Variants in DSCAML1 observed in about 807,000 individuals in gnomAD.
DSCAML1 encodes DS cell adhesion molecule like 1, also known as cell adhesion molecule DSCAML1.
A neutral mutation model predicts 200.5 loss-of-function variants in DSCAML1; 38 were observed. The observed-to-expected ratio is 0.19, with a 90% CI of 0.15 to 0.25. DSCAML1 has a LOEUF of 0.25. DSCAML1 is among the 10% of genes least tolerant of loss of function. The pLI, the probability that DSCAML1 is intolerant of heterozygous loss-of-function variation, is 1.00. For synonymous variants in DSCAML1, 1,215 were observed against 1,165.0 expected (o/e 1.04, Z -0.87); for missense variants, 2,223 against 2,858.8 (o/e 0.78, Z 5.07).
At chr11:117,586,265 G>A in intron 3 of DSCAML1, among the ~76,000 whole-genome samples, 1 of 140,704 alleles carries the variant, frequency 7.1e-6, no homozygotes, top group Non-Finnish European at 1.6e-5. Context: ...CTCCAGCCGT[G>A]AGCAATAGAA....
rs377198741 is a variant in DSCAML1 at position 117,430,707 on chromosome 11, G to A, written c.5686+15C>T. On this transcript the variant is annotated intron_variant, in intron 32 of 32. Transcript: ENST00000651296. ...GGCGGGGGGGCACTGCCTGGGAGGT[G>A]GTCTGAGCACTCACTCTTGTTGGCC... 1,519 of 1,601,318 alleles carry A rather than the reference G, an allele frequency of 9.5e-4. 1 individual carries two copies. The highest frequency in any genetic ancestry group is 1.2e-3 in the Non-Finnish European group (1,426 of 1,173,574).
intron 3 of DSCAML1, among the ~76,000 whole-genome samples, chr11:117,548,338 C>T (rs1004696958): frequency 6.6e-6 from 1 of 152,218 alleles, no homozygotes; most frequent in African/African-American, 2.4e-5. Flanking sequence ...CTGGGGCTGT[C>T]CAAATCCAGA....
intron 3 of DSCAML1, among the ~76,000 whole-genome samples, chr11:117,562,075 G>A (rs2050673674): frequency 6.6e-6 from 1 of 152,202 alleles, no homozygotes. Flanking sequence ...AGTGTTGAGA[G>A]GGAATAGGGT....
rs1192907906 is a variant in DSCAML1 at position 117,503,475 on chromosome 11, AG to A, written c.2359+369del. 6.6e-6 allele frequency among the ~76,000 whole-genome samples: 1 copy of A among 152,228 alleles called. No homozygotes were observed. The highest frequency in any genetic ancestry group is 2.4e-5 in the African/African-American group (1 of 41,458). On this transcript the variant is annotated intron_variant, in intron 11 of 32. Transcript: ENST00000651296. The surrounding 1 kb of genome is among the most constrained non-coding windows in gnomAD (Gnocchi z 5.2). ...CTATTTTCCTTTCTAAGCCACAAGC[AG>A]GTTGTACACAAGCAAGTGTATATTA...
At chr11:117,698,367 TC>T (rs1415335023) in intron 3 of DSCAML1, among the ~76,000 whole-genome samples, 14 of 152,166 alleles carry the variant, frequency 9.2e-5, no homozygotes, top group Non-Finnish European at 4.4e-5. Context: ...CTTTAGCAGC[TC>T]CACTAAAGGC....
chr11:117,663,004 G>C (rs1299071502), intron 3 of DSCAML1, among the ~76,000 whole-genome samples: 1 of 148,324 alleles, frequency 6.7e-6, no homozygotes, highest in Non-Finnish European at 1.5e-5. Flanking sequence ...AGTTGTCATT[G>C]CCTTTGCCTT....
In DSCAML1 at chr11:117,780,227, G is replaced by A. The variant is rs1565280569; in HGVS notation, c.364+266C>T. Among the ~76,000 whole-genome samples the A allele has an allele frequency of 1.1e-5, 1 of 93,316 alleles. No individual in the cohort carries two copies. Among genetic ancestry groups the A allele is most frequent in the East Asian group, 2.6e-4 (1 of 3,788 alleles). 61.2% of individuals were successfully genotyped at this position (93,316 alleles called of 152,430 possible). ...AAAGAAAGAGAGAGAGAGAAAGAAA[G>A]AAAGGAAAGAAAGAAAGAAAGAAAG... is the stretch of plus-strand genomic sequence containing the variant. On this transcript the variant is annotated intron_variant, in intron 2 of 32. Coordinates refer to ENST00000651296, the MANE Select transcript of DSCAML1 (RefSeq NM_020693.4). The surrounding 1 kb of genome is among the most constrained non-coding windows in gnomAD (Gnocchi z 4.8).
intron 3 of DSCAML1, among the ~76,000 whole-genome samples, chr11:117,718,181 C>T (rs904909579): frequency 3.9e-5 from 6 of 152,238 alleles, no homozygotes; most frequent in South Asian, 2.1e-4. Flanking sequence ...GGGGCATTGC[C>T]GCGCCGGCTC....
intron 3 of DSCAML1, among the ~76,000 whole-genome samples, chr11:117,603,418 G>T (rs1022363545): frequency 2.0e-5 from 3 of 152,252 alleles, no homozygotes; most frequent in East Asian, 3.9e-4. Context: ...TCTTTGCTCC[G>T]TCATCTGCTC....
chr11:117,447,161 G>A (rs2048196725), intron 20 of DSCAML1, among the ~76,000 whole-genome samples: 1 of 152,170 alleles, frequency 6.6e-6, no homozygotes, highest in Non-Finnish European at 1.5e-5. Context: ...GGTGATGTGT[G>A]CCTGTAATCT....
intron 1 of DSCAML1, among the ~76,000 whole-genome samples, chr11:117,805,013 C>T (rs991040764): frequency 6.6e-6 from 1 of 152,182 alleles, no homozygotes; most frequent in Admixed American, 6.5e-5. Context: ...GCCATCACCC[C>T]CTCAGTAGGT....
At chr11:117,520,944 G>A (rs1253143838) in intron 6 of DSCAML1, among the ~76,000 whole-genome samples, 186 bp downstream of exon 6, 1 of 152,116 alleles carries the variant, frequency 6.6e-6, no homozygotes, top group Admixed American at 6.5e-5. Flanking sequence ...AAGGAAAAAA[G>A]ATTAAAAAGA....
intron 3 of DSCAML1, among the ~76,000 whole-genome samples, chr11:117,646,590 A>G (rs2052526530): frequency 6.6e-6 from 1 of 152,144 alleles, no homozygotes; most frequent in African/African-American, 2.4e-5. Flanking sequence ...CAGATTAATG[A>G]GTGTGTGGGA....
In DSCAML1 at chr11:117,428,646, A is replaced by G. The variant is rs766028547; in HGVS notation, c.5844T>C (p.Pro1948=). Residue 1948 remains proline, a synonymous_variant, in exon 33 of 33, where the codon CCT becomes CCC. Coordinates refer to ENST00000651296, the MANE Select transcript of DSCAML1 (RefSeq NM_020693.4). ...GGGGAAGGCCCAAGGACTTGCTGGC[A>G]GGGTCCAGGGTCAGGTGGCGAGCCT... is the stretch of plus-strand genomic sequence containing the variant. ...HTQARHLTLD[P]ASKSLGLPHP... 12 of 1,611,396 alleles carry G rather than the reference A, an allele frequency of 7.4e-6. No individual in the cohort carries two copies. The African/African-American group carries it at 1.3e-4, about 18-fold the overall frequency.
At chr11:117,509,280 A>G (rs767756481) in intron 8 of DSCAML1, among the ~76,000 whole-genome samples, 1 of 152,140 alleles carries the variant, frequency 6.6e-6, no homozygotes, top group Non-Finnish European at 1.5e-5. Context: ...GGGGTGAAGG[A>G]GACGGAGGAG....
Position 117,505,144 on chromosome 11 carries a change from A to T in DSCAML1, c.2063-101T>A, listed in dbSNP as rs903040289. On this transcript the variant is annotated intron_variant, in intron 9 of 32. Transcript: ENST00000651296. The surrounding 1 kb of genome is among the most constrained non-coding windows in gnomAD (Gnocchi z 6.7). ...GTTTGAGGTCAGCCCTGCCCGGGCCATTATAAAGTTGGAAGCGGGCAGTTT... is the reference window on the plus strand; with the variant it reads ...GTTTGAGGTCAGCCCTGCCCGGGCCTTTATAAAGTTGGAAGCGGGCAGTTT... 5 of 1,502,036 alleles carry T rather than the reference A, an allele frequency of 3.3e-6. No individual in the cohort carries two copies. In the Admixed American group the frequency reaches 6.2e-5, roughly 18 times the overall value. 93.0% of individuals were successfully genotyped at this position (1,502,036 alleles called of 1,614,324 possible).
Position 117,737,185 on chromosome 11 carries a change from T to C in DSCAML1, c.511+39606A>G, listed in dbSNP as rs528949945. Among the ~76,000 whole-genome samples, 3 of 152,352 alleles carry C rather than the reference T, an allele frequency of 2.0e-5. 1 individual carries two copies. The highest frequency in any genetic ancestry group is 7.2e-5 in the African/African-American group (3 of 41,588). ...CCATTCAAGGTGCTTTAAACCTTCCTGGGTTTCAGCTCCCCTAGTTATAAG... is the reference window on the plus strand; with the variant it reads ...CCATTCAAGGTGCTTTAAACCTTCCCGGGTTTCAGCTCCCCTAGTTATAAG... On this transcript the variant is annotated intron_variant, in intron 3 of 32. Transcript: ENST00000651296.
intron 3 of DSCAML1, among the ~76,000 whole-genome samples, chr11:117,573,723 AG>A (rs2050885517): frequency 6.6e-6 from 1 of 152,252 alleles, no homozygotes; most frequent in African/African-American, 2.4e-5. Context: ...CCAAATGCTA[AG>A]TTCTCCCTTA....
chr11:117,486,909 ACCTTTTTTTTTTTTTT>A (rs1337994556), intron 11 of DSCAML1, among the ~76,000 whole-genome samples: 1 of 103,290 alleles, frequency 9.7e-6, no homozygotes, highest in Non-Finnish European at 2.1e-5. Context: ...AATGTAAAAT[ACCTTTTTTTTTTTTTT>A]TTTTTTTTTT....
Sources: gnomAD v4.1 joint callset for allele counts (sites outside exome capture counted in the v4.1 genomes callset) on GRCh38, gnomAD v4.1.1 for gene constraint, Gnocchi (gnomAD v3.1) non-coding constraint, MANE v1.5 for transcripts, NCBI Gene and HGNC (gene_info 2026-07-23, HGNC 2026-07-21) for gene names.